The following TENM3 variants were observed in gnomAD, a reference collection of about 807,000 sequenced individuals.
TENM3 encodes the protein teneurin-3.
TENM3 carries 63 observed loss-of-function variants against 255.1 expected under a neutral mutation model. The observed-to-expected ratio is 0.25, with a 90% confidence interval of 0.20 to 0.30. TENM3 has a LOEUF of 0.30. Among genes scored for constraint, TENM3 ranks in the 10% least tolerant of loss-of-function variants. The pLI is 1.00. For synonymous variants in TENM3, 1,306 were observed against 1,322.3 expected (o/e 0.99, Z 0.27); for missense variants, 2,929 against 3,461.1 (o/e 0.85, Z 3.86).
the TENM3 span, among the ~76,000 whole-genome samples, chr4:181,715,437 A>G: frequency 6.6e-6 from 1 of 152,210 alleles, no homozygotes. Flanking sequence ...GGATAAATGC[A>G]TATGTAAATA....
chr4:181,938,699 G>A, the TENM3 span, among the ~76,000 whole-genome samples: 14 of 152,102 alleles, frequency 9.2e-5, no homozygotes, highest in African/African-American at 3.1e-4. Context: ...TGCCCATTTC[G>A]AGCCCTTTGA....
At chr4:181,650,793 G>A in the TENM3 span, among the ~76,000 whole-genome samples, 1 of 152,180 alleles carries the variant, frequency 6.6e-6, no homozygotes, top group African/African-American at 2.4e-5. Context: ...CTGTTCAAGA[G>A]CAAATGCCTC....
At chr4:181,644,143 A>G in the TENM3 span, among the ~76,000 whole-genome samples, 14 of 151,936 alleles carry the variant, frequency 9.2e-5, no homozygotes, top group Non-Finnish European at 1.8e-4. Flanking sequence ...CAAAGAGGCT[A>G]GAATTCAAAG....
At chr4:181,916,368 C>T in the TENM3 span, among the ~76,000 whole-genome samples, 1 of 152,148 alleles carries the variant, frequency 6.6e-6, no homozygotes. Context: ...TCCATGAAAG[C>T]AGGAACTACG....
chr4:182,038,397 TAA>T, the TENM3 span, among the ~76,000 whole-genome samples: 67 of 152,362 alleles, frequency 4.4e-4, 1 homozygote, highest in African/African-American at 1.6e-3. Flanking sequence ...TTACAAATGT[TAA>T]CTCATTTTAT....
At chr4:182,465,290 T>C (rs1275698490) in intron 3 of TENM3, among the ~76,000 whole-genome samples, 1 of 152,008 alleles carries the variant, frequency 6.6e-6, no homozygotes, top group Non-Finnish European at 1.5e-5. Flanking sequence ...ACTGGGAGGG[T>C]ATGAGGAGCT....
the TENM3 span, among the ~76,000 whole-genome samples, chr4:181,570,035 CTTT>C: frequency 1.8e-5 from 2 of 113,864 alleles, no homozygotes; most frequent in Admixed American, 9.4e-5. Flanking sequence ...ACAAATGTTT[CTTT>C]TTTTTTTTTT....
Position 182,793,616 on chromosome 4 carries a change from A to G in TENM3, c.6944A>G (p.Gln2315Arg). The G allele has an allele frequency of 6.2e-7, 1 of 1,614,070 alleles. No homozygotes were observed. Among genetic ancestry groups the G allele is most frequent in the Non-Finnish European group, 8.5e-7 (1 of 1,179,888 alleles). The change falls in exon 26 of 28, where the codon CAG becomes CGG. Residue 2315 changes from glutamine to arginine, a missense_variant. By Grantham distance (43) the Gln-to-Arg change is conservative. This residue lies in a region of TENM3 where 256 missense variants were observed against 389.3 expected (regional missense o/e 0.66). Transcript: ENST00000511685. This position sits in a 1 kb window ranked among gnomAD's most constrained non-coding sequence, Gnocchi z 5.7. ...VFSSNGLMLK[Q>R]IQYTAYGEIY... ...AGTAGCAATGGGCTTATGCTGAAAC[A>G]GATTCAGTACACTGCATATGGGGAA...
rs145015464 is a variant in TENM3, at chr4:182,644,559, A to G, written c.989-9212A>G. Among the ~76,000 whole-genome samples the G allele has an allele frequency of 5.1e-3, 771 of 152,250 alleles. 6 individuals carry two copies. Among genetic ancestry groups the G allele is most frequent in the African/African-American group, 0.018 (737 of 41,544 alleles). On this transcript the variant is annotated intron_variant, in intron 5 of 27. Coordinates refer to ENST00000511685, the MANE Select transcript of TENM3 (RefSeq NM_001080477.4). ...GATTCCGTTCGTCTCCAGCCTTGGA[A>G]AATAAAAGGAATGCATGCTGTAATT...
chr4:181,707,757 C>T, the TENM3 span, among the ~76,000 whole-genome samples: 9 of 152,136 alleles, frequency 5.9e-5, no homozygotes, highest in South Asian at 1.9e-3. Context: ...GTTTTGAATC[C>T]TTCTTTTAAC....
At chr4:182,616,437 G>T (rs1207276886) in intron 4 of TENM3, among the ~76,000 whole-genome samples, 2 of 150,456 alleles carry the variant, frequency 1.3e-5, no homozygotes, top group East Asian at 3.9e-4. Flanking sequence ...ACGAGTTAGT[G>T]GGTGCAGCGC....
chr4:182,448,459 T>TG (rs1773122136), intron 3 of TENM3, among the ~76,000 whole-genome samples: 1 of 151,930 alleles, frequency 6.6e-6, no homozygotes, highest in Non-Finnish European at 1.5e-5. Flanking sequence ...CGCGGGGCCG[T>TG]GGGGCGTGTG....
At chr4:181,888,561 CATATAT>C in the TENM3 span, among the ~76,000 whole-genome samples, 3 of 50,440 alleles carry the variant, frequency 5.9e-5, no homozygotes, top group African/African-American at 8.0e-5. Context: ...TATATATATA[CATATAT>C]GTATATATAT....
chr4:182,751,210 T>C (rs552164131), intron 19 of TENM3, among the ~76,000 whole-genome samples: 1 of 152,324 alleles, frequency 6.6e-6, no homozygotes, highest in East Asian at 1.9e-4. Context: ...CCCCGTAGAC[T>C]TGAATGACCT....
chr4:182,371,049 T>C (rs1766771171), intron 3 of TENM3, among the ~76,000 whole-genome samples: 4 of 152,168 alleles, frequency 2.6e-5, no homozygotes, highest in Admixed American at 2.6e-4. Flanking sequence ...GGCATACTTC[T>C]TTTCACATTT....
At chr4:181,592,725 A>G in the TENM3 span, among the ~76,000 whole-genome samples, 1 of 151,088 alleles carries the variant, frequency 6.6e-6, no homozygotes, top group Non-Finnish European at 1.5e-5. Context: ...TGGAGAAGCA[A>G]ACTTTTCAAT....
chr4:181,943,240 A>G, the TENM3 span, among the ~76,000 whole-genome samples: 3 of 152,142 alleles, frequency 2.0e-5, no homozygotes, highest in Non-Finnish European at 4.4e-5. Flanking sequence ...CAAGGTTCTC[A>G]GTGATGCCTA....
chr4:182,160,711 A>C (rs1229457931), intron 1 of TENM3, among the ~76,000 whole-genome samples: 1 of 152,222 alleles, frequency 6.6e-6, no homozygotes, highest in Non-Finnish European at 1.5e-5. Context: ...GACGTTGGTC[A>C]AAGGGTACAG....
At chr4:181,900,956 A>G in the TENM3 span, among the ~76,000 whole-genome samples, 2 of 152,074 alleles carry the variant, frequency 1.3e-5, no homozygotes, top group Non-Finnish European at 2.9e-5. Context: ...CATTTCCGTC[A>G]TTTTCTCCAA....
Sources: gnomAD v4.1 joint callset for allele counts (sites outside exome capture counted in the v4.1 genomes callset) on GRCh38, gnomAD v4.1.1 for gene constraint, gnomAD v4.1.1 regional missense constraint, Gnocchi (gnomAD v3.1) non-coding constraint, MANE v1.5 for transcripts, NCBI Gene and HGNC (gene_info 2026-07-23, HGNC 2026-07-21) for gene names.